Variants in SBF2 observed in about 807,000 individuals in gnomAD.
The protein encoded by SBF2 is SET binding factor 2.
SBF2 carries 112 observed loss-of-function variants against 225.2 expected under a neutral mutation model. That is an observed-to-expected ratio of 0.50 (90% CI 0.43 to 0.58). The LOEUF (loss-of-function observed/expected upper bound fraction) is 0.58. Ranked by LOEUF, SBF2 falls within the 20% of genes least tolerant of loss-of-function variation. The pLI is 0.00. For synonymous variants in SBF2, 763 were observed against 773.3 expected (o/e 0.99, Z 0.22); for missense variants, 1,996 against 2,206.2 (o/e 0.90, Z 1.91).
In SBF2 at chr11:9,899,785, T is replaced by C. The variant is rs377610235; in HGVS notation, c.1861-3774A>G. ...GAAAACATCATAAAAAGCAAATATC[T>C]AGAATTTATATTAAACAGCAAGATC... On this transcript the variant is annotated intron_variant, in intron 16 of 39. Transcript: ENST00000256190. Among the ~76,000 whole-genome samples the C allele has an allele frequency of 6.6e-5, 10 of 152,064 alleles. No homozygotes were observed. The East Asian group carries it at 7.7e-4, about 12-fold the overall frequency.
intron 6 of SBF2, among the ~76,000 whole-genome samples, chr11:10,021,169 G>T (rs1295756836): frequency 6.6e-6 from 1 of 152,238 alleles, no homozygotes; most frequent in Non-Finnish European, 1.5e-5. Context: ...AAAACTGTTG[G>T]ATACATTTTC....
chr11:9,953,971 A>T (rs1866006320), intron 16 of SBF2, among the ~76,000 whole-genome samples: 2 of 152,170 alleles, frequency 1.3e-5, no homozygotes, highest in Admixed American at 1.3e-4. Context: ...AAAAGCTTTA[A>T]TTGTATATTT....
At chr11:10,217,931 G>A (rs548008517) in intron 1 of SBF2, among the ~76,000 whole-genome samples, 5 of 151,748 alleles carry the variant, frequency 3.3e-5, no homozygotes, top group African/African-American at 9.7e-5. Context: ...ATGGAGTCTC[G>A]CTCTGTCGCC....
chr11:9,920,500 C>T (rs927828012), intron 16 of SBF2, among the ~76,000 whole-genome samples: 15 of 152,112 alleles, frequency 9.9e-5, no homozygotes, highest in African/African-American at 3.4e-4. Context: ...TACATAAAAC[C>T]TAGTCTGTCT....
At chr11:9,920,612 C>T (rs1262411730) in intron 16 of SBF2, among the ~76,000 whole-genome samples, 3 of 152,124 alleles carry the variant, frequency 2.0e-5, no homozygotes, top group Non-Finnish European at 2.9e-5. Flanking sequence ...TGAGAAGAGA[C>T]ATTAATCTAA....
At chr11:10,242,020 C>A (rs896870937) in intron 1 of SBF2, among the ~76,000 whole-genome samples, 5 of 151,436 alleles carry the variant, frequency 3.3e-5, no homozygotes. Context: ...ACCCTAGGAC[C>A]TAACATGCCT....
At chr11:10,057,500 G>C (rs1950295034) in intron 2 of SBF2, among the ~76,000 whole-genome samples, 1 of 152,146 alleles carries the variant, frequency 6.6e-6, no homozygotes, top group African/African-American at 2.4e-5. Context: ...GGGAACCCCT[G>C]GCTTGGGCCC....
intron 20 of SBF2, among the ~76,000 whole-genome samples, chr11:9,853,096 T>C (rs1254809973): frequency 6.6e-6 from 1 of 152,176 alleles, no homozygotes; most frequent in African/African-American, 2.4e-5. Context: ...TTCTGATACA[T>C]GCCACAACAC....
chr11:10,014,316 C>T (rs1722038258), intron 6 of SBF2, among the ~76,000 whole-genome samples: 1 of 151,788 alleles, frequency 6.6e-6, no homozygotes, highest in Non-Finnish European at 1.5e-5. Flanking sequence ...TTTGAGAAAT[C>T]CTGAGTCTAT....
At chr11:9,916,020 C>T (rs1863055922) in intron 16 of SBF2, among the ~76,000 whole-genome samples, 1 of 152,164 alleles carries the variant, frequency 6.6e-6, no homozygotes, top group African/African-American at 2.4e-5. Context: ...GCCAAGATTG[C>T]ACCACTGTAC....
intron 29 of SBF2, among the ~76,000 whole-genome samples, chr11:9,815,026 T>A (rs977190343): frequency 2.6e-5 from 4 of 152,158 alleles, no homozygotes; most frequent in African/African-American, 9.7e-5. Flanking sequence ...ATGTGGCACA[T>A]ATCAGACAGA....
intron 2 of SBF2, among the ~76,000 whole-genome samples, chr11:10,166,595 A>G (rs1439501032): frequency 6.6e-6 from 1 of 152,200 alleles, no homozygotes; most frequent in African/African-American, 2.4e-5. Flanking sequence ...AAAAGAACAA[A>G]TCCAAAAATG....
chr11:10,275,729 G>A (rs1962907934), intron 1 of SBF2, among the ~76,000 whole-genome samples: 1 of 151,682 alleles, frequency 6.6e-6, no homozygotes, highest in African/African-American at 2.4e-5. Context: ...AACAAAAACT[G>A]CTTCTTGGGG....
At chr11:10,031,269 C>A in intron 3 of SBF2, 99 bp from the exon 4 acceptor site, 3 of 1,110,126 alleles carry the variant, frequency 2.7e-6, no homozygotes, top group South Asian at 1.5e-5. Context: ...TATGCAAATT[C>A]AAAATTAATT....
At chr11:10,283,598 T>TTA (rs1359165238) in intron 1 of SBF2, among the ~76,000 whole-genome samples, 3 of 150,822 alleles carry the variant, frequency 2.0e-5, no homozygotes, top group Non-Finnish European at 4.4e-5. Context: ...GATACATGAA[T>TTA]TATAAATGTA....
At chr11:10,131,465 C>T (rs1331068287) in intron 2 of SBF2, among the ~76,000 whole-genome samples, 1 of 151,990 alleles carries the variant, frequency 6.6e-6, no homozygotes, top group African/African-American at 2.4e-5. Flanking sequence ...TCTTGTTTTG[C>T]TCTTGTTGCC....
intron 3 of SBF2, among the ~76,000 whole-genome samples, chr11:10,039,777 T>C (rs1949582621): frequency 1.3e-5 from 2 of 151,890 alleles, no homozygotes; most frequent in South Asian, 4.1e-4. Context: ...TGATCCTAGA[T>C]CAACTTGTTA....
At position 9,850,120 on chromosome 11, in the gene SBF2, T is replaced by C. The variant is rs140152705; in HGVS notation, c.2709A>G (p.Gly903=). 1.9e-6 allele frequency: 3 copies of C among 1,613,816 alleles called. No individual in the cohort carries two copies. The highest frequency in any genetic ancestry group is 4.5e-5 in the East Asian group (2 of 44,892). ...GGAGCTGAGGGCCTCCAAGAAGACC[T>C]CCAGTAGCTTCTTCTCTTCCATCAG... The part of the protein sequence containing the change: ...LDPDGREEAT[G]GLLGGPQLLP... The change falls in exon 22 of 40, where the codon GGA becomes GGG. Residue 903 remains glycine (G), a synonymous_variant. Transcript: ENST00000256190.
chr11:10,142,047 C>T (rs927321910), intron 2 of SBF2, among the ~76,000 whole-genome samples: 4 of 152,130 alleles, frequency 2.6e-5, no homozygotes, highest in Admixed American at 6.5e-5. Flanking sequence ...ACTGCTAATA[C>T]TGCAATTCTG....
Sources: allele counts gnomAD v4.1 joint callset (sites outside exome capture counted in the v4.1 genomes callset), GRCh38; gene constraint gnomAD v4.1.1; transcripts MANE v1.5; gene names NCBI Gene and HGNC (gene_info 2026-07-23, HGNC 2026-07-21).